The following MIA2 variants were observed in gnomAD, a reference collection of about 807,000 sequenced individuals.
MIA2 encodes MIA SH3 domain ER export factor 2.
In MIA2, 127 loss-of-function variants were observed where a neutral mutation model predicts 167.8. That is an observed-to-expected ratio of 0.76 (90% CI 0.66 to 0.88). MIA2 has a LOEUF of 0.88. Among genes scored for constraint, MIA2 ranks in the 40% least tolerant of loss-of-function variants. The pLI is 0.00. For missense variants in MIA2, 1,690 were observed against 1,624.7 expected (o/e 1.04, Z -0.69); for synonymous variants, 552 against 541.9 (o/e 1.02, Z -0.26).
At chr14:39,305,552 A>G (rs745845770) in intron 17 of MIA2, among the ~76,000 whole-genome samples, 3 of 152,324 alleles carry the variant, frequency 2.0e-5, no homozygotes, top group South Asian at 4.1e-4. Context: ...TGTTTTATTC[A>G]TAGCATGAAG....
intron 25 of MIA2, among the ~76,000 whole-genome samples, chr14:39,335,157 T>C (rs2070054472): frequency 6.6e-6 from 1 of 152,186 alleles, no homozygotes; most frequent in East Asian, 1.9e-4. Context: ...TGCCTCTCTT[T>C]TATGTAAGGT....
intron 6 of MIA2, among the ~76,000 whole-genome samples, chr14:39,259,715 T>A (rs2054994994): frequency 6.6e-6 from 1 of 150,908 alleles, no homozygotes; most frequent in Admixed American, 6.6e-5. Context: ...TTTTTTTTTT[T>A]TTTTTTTAAA....
chr14:39,256,037 C>A (rs1030602110), intron 6 of MIA2, among the ~76,000 whole-genome samples: 2 of 152,108 alleles, frequency 1.3e-5, no homozygotes, highest in Non-Finnish European at 2.9e-5. Context: ...CAGTTGTCAA[C>A]ATTTAAAAGG....
In MIA2 at chr14:39,290,149, A is replaced by G. The variant is rs375857134; in HGVS notation, c.2131-870A>G. Among the ~76,000 whole-genome samples the G allele has an allele frequency of 2.6e-5, 4 of 152,248 alleles. No homozygotes were observed. In the East Asian group the frequency reaches 5.8e-4, roughly 22 times the overall value. ...CTGACTTGGCAGGTCCTGAACTCCA[A>G]GTGTTTTTTCTCAGCTTCTGATTCT... On this transcript the variant is annotated intron_variant, in intron 9 of 28. Coordinates refer to ENST00000640607, the MANE Select transcript of MIA2 (RefSeq NM_001329214.4).
chr14:39,243,772 A>C (rs894340994), intron 3 of MIA2, among the ~76,000 whole-genome samples: 2 of 152,204 alleles, frequency 1.3e-5, no homozygotes, highest in African/African-American at 4.8e-5. Flanking sequence ...AGGCTGAGAC[A>C]GGAGAATTGC....
At chr14:39,369,254 A>G (rs1005046628) in intron 23 of MIA2, among the ~76,000 whole-genome samples, 1 of 152,164 alleles carries the variant, frequency 6.6e-6, no homozygotes, top group Non-Finnish European at 1.5e-5. Flanking sequence ...GGCTGTTCAG[A>G]TGCCGGAAAG....
At chr14:39,323,933 A>C (rs1566924649) in intron 24 of MIA2, among the ~76,000 whole-genome samples, 1 of 152,224 alleles carries the variant, frequency 6.6e-6, no homozygotes, top group Non-Finnish European at 1.5e-5. Flanking sequence ...GTAAGTTGTC[A>C]TCGGGTCTTA....
intron 13 of MIA2, among the ~76,000 whole-genome samples, chr14:39,296,292 A>G (rs923519140): frequency 1.8e-4 from 27 of 151,788 alleles, no homozygotes; most frequent in African/African-American, 5.8e-4. Flanking sequence ...ATACTTGTTG[A>G]TATTTTGGTT....
intron 25 of MIA2, among the ~76,000 whole-genome samples, chr14:39,336,436 A>G (rs772288382): frequency 1.6e-4 from 25 of 152,214 alleles, no homozygotes; most frequent in Non-Finnish European, 3.7e-4. Flanking sequence ...ACTCAATCTT[A>G]TAAACTAATA....
rs960167596 is a variant in MIA2, at chr14:39,300,230, T to G, written c.2619+244T>G. Among the ~76,000 whole-genome samples the G allele has an allele frequency of 5.3e-5, 8 of 152,160 alleles. No homozygotes were observed. In the South Asian group the frequency reaches 1.7e-3, roughly 31 times the overall value. On this transcript the variant is annotated intron_variant, in intron 14 of 28. Transcript: ENST00000640607. Reference sequence around the variant, plus strand: ...CTTCTCTGTATTTTAGCCTAGGTATTTAATAAAGAAATAAAAATAATGGTT... The same window carrying G: ...CTTCTCTGTATTTTAGCCTAGGTATGTAATAAAGAAATAAAAATAATGGTT...
chr14:39,328,922 T>C (rs564443719), intron 25 of MIA2, among the ~76,000 whole-genome samples: 1 of 152,330 alleles, frequency 6.6e-6, no homozygotes, highest in African/African-American at 2.4e-5. Flanking sequence ...TTTGTATTTT[T>C]TGCTTAGGAT....
chr14:39,334,708 A>AGG (rs961275510), intron 25 of MIA2, among the ~76,000 whole-genome samples: 2 of 151,856 alleles, frequency 1.3e-5, no homozygotes, highest in Non-Finnish European at 2.9e-5. Context: ...CCGGGATTAC[A>AGG]GGGCATGTGC....
intron 16 of MIA2, 134 bp downstream of exon 16, chr14:39,303,658 A>G (rs2062866521): frequency 1.7e-6 from 1 of 575,048 alleles, no homozygotes; most frequent in Admixed American, 3.8e-5. Flanking sequence ...CAGAATTTTC[A>G]TCATCAATTG....
At chr14:39,265,244 C>T (rs1224428057) in intron 6 of MIA2, 2 of 658,574 alleles carry the variant, frequency 3.0e-6, no homozygotes, top group Non-Finnish European at 5.2e-6. Flanking sequence ...CCTGTAGCAC[C>T]CCTTTACCAC....
At chr14:39,332,752 G>A (rs929209072) in intron 25 of MIA2, among the ~76,000 whole-genome samples, 1 of 151,868 alleles carries the variant, frequency 6.6e-6, no homozygotes, top group African/African-American at 2.4e-5. Context: ...GACTGCACCC[G>A]CTCTCTAACC....
At chr14:39,291,344 G>T (rs2060716257) in intron 10 of MIA2, among the ~76,000 whole-genome samples, 1 of 152,122 alleles carries the variant, frequency 6.6e-6, no homozygotes, top group Admixed American at 6.6e-5. Context: ...TATGTTCAAG[G>T]AATCAGGAGC....
At chr14:39,246,508 A>AGGATGAATGCTTGAACTT (rs1474878712) in intron 3 of MIA2, among the ~76,000 whole-genome samples, 1 of 152,114 alleles carries the variant, frequency 6.6e-6, no homozygotes, top group African/African-American at 2.4e-5. Flanking sequence ...GCTTGAGGCC[A>AGGATGAATGCTTGAACTT]GAAGTTCAAG....
At chr14:39,288,249 C>T (rs1291518414) in intron 9 of MIA2, among the ~76,000 whole-genome samples, 1 of 151,252 alleles carries the variant, frequency 6.6e-6, no homozygotes, top group Non-Finnish European at 1.5e-5. Context: ...ATGGCTTGAG[C>T]CCAGGAATTC....
In MIA2 at chr14:39,288,444, TATATATATATATATA is replaced by T. The variant is rs1566746138; in HGVS notation, c.2131-2574_2131-2560del. Among the ~76,000 whole-genome samples the T allele has an allele frequency of 1.9e-3, 19 of 9,782 alleles. 1 individual carries two copies. Among genetic ancestry groups the T allele is most frequent in the South Asian group, 0.015 (5 of 344 alleles). 6.4% of individuals were successfully genotyped at this position (9,782 alleles called of 152,430 possible). ...TGTATATATTATACATATATATATA[TATATATATATATATA>T]TATATATATATATATATTTTTTTTT... On this transcript the variant is annotated intron_variant, in intron 9 of 28. Coordinates refer to ENST00000640607, the MANE Select transcript of MIA2 (RefSeq NM_001329214.4).
Sources: allele counts gnomAD v4.1 joint callset (sites outside exome capture counted in the v4.1 genomes callset), GRCh38; gene constraint gnomAD v4.1.1; transcripts MANE v1.5; gene names NCBI Gene and HGNC (gene_info 2026-07-23, HGNC 2026-07-21).